Variants in CLEC2A observed in about 807,000 individuals in gnomAD.
CLEC2A encodes the protein C-type lectin domain family 2 member A, also known as keratinocyte-associated C-type lectin.
A neutral mutation model predicts 18.6 loss-of-function variants in CLEC2A; 19 were observed. The ratio of observed to expected loss-of-function variants is 1.02; its 90% confidence interval spans 0.71 to 1.50. The LOEUF (loss-of-function observed/expected upper bound fraction) is 1.50. Among genes scored for constraint, CLEC2A ranks in the 40% most tolerant of loss-of-function variants. CLEC2A has a pLI of 0.00. For missense variants in CLEC2A, 190 were observed against 207.9 expected, an observed-to-expected ratio of 0.91 and a Z score of 0.53; for synonymous variants, 74 against 64.0, an observed-to-expected ratio of 1.16 and a Z score of -0.75.
the CLEC2A span, among the ~76,000 whole-genome samples, chr12:9,885,818 T>C: frequency 6.6e-6 from 1 of 152,074 alleles, no homozygotes; most frequent in Non-Finnish European, 1.5e-5. Context: ...CCTGAAAATG[T>C]CCACTTATTT....
the CLEC2A span, among the ~76,000 whole-genome samples, chr12:9,892,529 C>A: frequency 6.6e-6 from 1 of 151,476 alleles, no homozygotes; most frequent in Non-Finnish European, 1.5e-5. Context: ...AAACCCTGCC[C>A]GACTCCTGGA....
intron 4 of CLEC2A, among the ~76,000 whole-genome samples, chr12:9,902,353 C>G (rs958739386): frequency 6.6e-6 from 1 of 151,254 alleles, no homozygotes; most frequent in East Asian, 1.9e-4. Flanking sequence ...CCTGCCTCAG[C>G]CCCCAAGTAG....
intron 1 of CLEC2A, among the ~76,000 whole-genome samples, chr12:9,929,032 A>C (rs927458920): frequency 1.3e-5 from 2 of 152,178 alleles, no homozygotes; most frequent in Non-Finnish European, 2.9e-5. Context: ...TCACAGTGAC[A>C]ACAAAAAAAA....
chr12:9,892,949 C>T, the CLEC2A span: 3 of 1,224,480 alleles, frequency 2.5e-6, no homozygotes, highest in Non-Finnish European at 3.3e-6. Flanking sequence ...CAAGTAGTCA[C>T]ATTTGATAAT....
the CLEC2A span, among the ~76,000 whole-genome samples, chr12:9,884,658 T>C: frequency 6.7e-6 from 1 of 149,692 alleles, no homozygotes; most frequent in Admixed American, 6.7e-5. Context: ...TATGTATTTG[T>C]ATGTATAATT....
At chr12:9,890,720 T>C in the CLEC2A span, among the ~76,000 whole-genome samples, 1 of 152,214 alleles carries the variant, frequency 6.6e-6, no homozygotes, top group Non-Finnish European at 1.5e-5. Context: ...TCTTCTTTTG[T>C]TTTCAAAATC....
chr12:9,919,975 C>T (rs995016663), intron 3 of CLEC2A, among the ~76,000 whole-genome samples: 11 of 152,300 alleles, frequency 7.2e-5, no homozygotes, highest in African/African-American at 9.6e-5. Context: ...GCAGCTGTGC[C>T]GTGCTGGGGG....
downstream of CLEC2A, among the ~76,000 whole-genome samples, chr12:9,894,562 G>C (rs1272111609): frequency 1.3e-5 from 2 of 152,168 alleles, no homozygotes; most frequent in African/African-American, 4.8e-5. Context: ...ATGAGGTGTT[G>C]CATGTAAGAG....
At chr12:9,906,818 G>C (rs1371646500) in intron 4 of CLEC2A, among the ~76,000 whole-genome samples, 1 of 152,172 alleles carries the variant, frequency 6.6e-6, no homozygotes, top group East Asian at 1.9e-4. Flanking sequence ...TCTGACTTTT[G>C]TGTGGTAGTT....
chr12:9,901,870 T>C (rs910580653), intron 4 of CLEC2A, among the ~76,000 whole-genome samples: 7 of 152,252 alleles, frequency 4.6e-5, no homozygotes, highest in African/African-American at 1.7e-4. Flanking sequence ...GAAAACCTTG[T>C]TATGATTTTA....
the CLEC2A span, among the ~76,000 whole-genome samples, chr12:9,878,461 T>C: frequency 6.6e-6 from 1 of 152,254 alleles, no homozygotes; most frequent in South Asian, 2.1e-4. Flanking sequence ...AAATGGGAAG[T>C]AATGAATTTA....
intron 4 of CLEC2A, among the ~76,000 whole-genome samples, chr12:9,915,110 G>T (rs580017): frequency 6.6e-6 from 1 of 151,850 alleles, no homozygotes; most frequent in Non-Finnish European, 1.5e-5. Context: ...AAAGCTCAAC[G>T]TCACTGATCT....
intron 4 of CLEC2A, among the ~76,000 whole-genome samples, chr12:9,907,303 T>C (rs757022921): frequency 3.9e-5 from 6 of 152,234 alleles, no homozygotes; most frequent in Non-Finnish European, 8.8e-5. Flanking sequence ...TTCAATTTGA[T>C]GAATTTCTTC....
chr12:9,921,632 G>A (rs118157191), intron 3 of CLEC2A, among the ~76,000 whole-genome samples: 3,608 of 152,106 alleles, frequency 0.024, 66 homozygotes, highest in Middle Eastern at 0.037. Context: ...AGAAAACTTA[G>A]CCACTAGTAG....
At chr12:9,885,013 G>C in the CLEC2A span, 1 of 1,299,574 alleles carries the variant, frequency 7.7e-7, no homozygotes, top group Non-Finnish European at 9.9e-7. Flanking sequence ...TTATGACAGG[G>C]ATTGACCTGA....
chr12:9,916,872 C>G, intron 3 of CLEC2A, 69 bp from the exon 4 acceptor site: 1 of 886,440 alleles, frequency 1.1e-6, no homozygotes, highest in African/African-American at 1.7e-5. Flanking sequence ...ATGCTTCCCA[C>G]CCCAATTATT....
rs73048817 is a variant in CLEC2A at position 9,907,526 on chromosome 12, C to A, written c.411-8550G>T. The stretch of plus-strand genomic sequence containing the variant: ...CATTTGCCTTTACTTATTAAGTGCC[C>A]TAAATATGTAACTTCACGTTCTACA... On this transcript the variant is annotated intron_variant, in intron 4 of 4. Coordinates refer to the CLEC2A transcript ENST00000339766. Among the ~76,000 whole-genome samples the A allele has an allele frequency of 6.6e-5, 10 of 152,058 alleles. No homozygotes were observed. The East Asian group carries it at 1.9e-3, about 29-fold the overall frequency.
downstream of CLEC2A, chr12:9,895,770 C>T: frequency 6.5e-7 from 1 of 1,535,792 alleles, no homozygotes; most frequent in Non-Finnish European, 8.7e-7. Context: ...ACTGTAGCTC[C>T]ACATTTAAGG....
chr12:9,911,174 G>A (rs546396090), downstream of CLEC2A, among the ~76,000 whole-genome samples: 2 of 152,284 alleles, frequency 1.3e-5, no homozygotes, highest in South Asian at 2.1e-4. Context: ...GATGAGTGAT[G>A]GGGGAGAAGG....
Sources: allele counts gnomAD v4.1 joint callset (sites outside exome capture counted in the v4.1 genomes callset), GRCh38; gene constraint gnomAD v4.1.1; transcripts MANE v1.5; gene names NCBI Gene and HGNC (gene_info 2026-07-23, HGNC 2026-07-21).